The following THSD7B variants were observed in gnomAD, a reference collection of about 807,000 sequenced individuals.
The protein encoded by THSD7B is thrombospondin type 1 domain containing 7B.
THSD7B carries 138 observed loss-of-function variants against 213.6 expected under a neutral mutation model. The ratio of observed to expected loss-of-function variants is 0.65; its 90% CI spans 0.56 to 0.74. The LOEUF (loss-of-function observed/expected upper bound fraction) is 0.74. Ranked by LOEUF, THSD7B falls within the 30% of genes least tolerant of loss-of-function variation. The probability of loss-of-function intolerance (pLI) is 0.00; values close to 1 mark genes in which losing one functional copy is unlikely to be tolerated. For missense variants in THSD7B, 1,931 were observed against 1,991.5 expected (o/e 0.97, Z 0.58); for synonymous variants, 742 against 687.0 (o/e 1.08, Z -1.25).
At chr2:136,958,566 T>C (rs1054197820) in intron 2 of THSD7B, among the ~76,000 whole-genome samples, 9 of 152,204 alleles carry the variant, frequency 5.9e-5, no homozygotes, top group African/African-American at 2.2e-4. Context: ...AAGGGTAGAG[T>C]TCAGAGGAAA....
chr2:137,059,507 T>C (rs1687230880), intron 3 of THSD7B, among the ~76,000 whole-genome samples: 1 of 152,102 alleles, frequency 6.6e-6, no homozygotes, highest in African/African-American at 2.4e-5. Flanking sequence ...CCCCTAAGTA[T>C]CCCTTCTACT....
chr2:137,556,332 A>G (rs1680966133), intron 15 of THSD7B, among the ~76,000 whole-genome samples: 1 of 151,886 alleles, frequency 6.6e-6, no homozygotes, highest in African/African-American at 2.4e-5. Flanking sequence ...CATCAGACTA[A>G]CAGCTGATCT....
intron 17 of THSD7B, among the ~76,000 whole-genome samples, chr2:137,598,489 C>T (rs535204316): frequency 2.6e-5 from 4 of 152,296 alleles, no homozygotes; most frequent in African/African-American, 2.4e-5. Flanking sequence ...TACAGAAGAA[C>T]TGGAAAACAT....
At chr2:137,270,583 G>A (rs1009820395) in intron 10 of THSD7B, among the ~76,000 whole-genome samples, 1 of 152,162 alleles carries the variant, frequency 6.6e-6, no homozygotes, top group African/African-American at 2.4e-5. Flanking sequence ...ACATTAATGG[G>A]TAAGACCAAA....
chr2:137,610,563 G>A (rs1337013993), intron 17 of THSD7B, among the ~76,000 whole-genome samples: 1 of 151,980 alleles, frequency 6.6e-6, no homozygotes, highest in Non-Finnish European at 1.5e-5. Flanking sequence ...CTTCACATTC[G>A]GTCACAAAGA....
At chr2:137,188,304 A>G (rs1037462736) in intron 7 of THSD7B, among the ~76,000 whole-genome samples, 2 of 152,130 alleles carry the variant, frequency 1.3e-5, no homozygotes, top group Non-Finnish European at 2.9e-5. Flanking sequence ...GCAAATGGAT[A>G]TTTCATGTTT....
At chr2:137,477,503 ATGATTATTATTTATATT>A (rs199551541) in intron 15 of THSD7B, among the ~76,000 whole-genome samples, 4,730 of 151,774 alleles carry the variant, frequency 0.031, 203 homozygotes, top group African/African-American at 0.096. Context: ...ATTTATACTC[ATGATTATTATTTATATT>A]TGATTATTAT....
At chr2:137,499,798 C>T (rs532451025) in intron 15 of THSD7B, among the ~76,000 whole-genome samples, 130 of 152,188 alleles carry the variant, frequency 8.5e-4, no homozygotes, top group Admixed American at 2.2e-3. Context: ...AGCTGAAAGC[C>T]AAATGCATGA....
chr2:137,092,707 T>C (rs1215533199), intron 3 of THSD7B, among the ~76,000 whole-genome samples: 3 of 152,190 alleles, frequency 2.0e-5, no homozygotes, highest in Non-Finnish European at 4.4e-5. Flanking sequence ...CAGTCTCGGC[T>C]CACTATAGCC....
At chr2:137,126,018 G>A (rs530649939) in intron 5 of THSD7B, among the ~76,000 whole-genome samples, 2 of 152,260 alleles carry the variant, frequency 1.3e-5, no homozygotes, top group Admixed American at 1.3e-4. Context: ...AAATCATGCT[G>A]TAAATAGATA....
chr2:137,650,455 C>CT (rs1683116331), intron 21 of THSD7B, among the ~76,000 whole-genome samples: 3 of 152,118 alleles, frequency 2.0e-5, no homozygotes, highest in Admixed American at 2.0e-4. Context: ...TTACTTAATT[C>CT]TTTTATCAGT....
intron 1 of THSD7B, among the ~76,000 whole-genome samples, chr2:136,804,550 T>G (rs1247480105): frequency 6.6e-6 from 1 of 152,134 alleles, no homozygotes; most frequent in Non-Finnish European, 1.5e-5. Context: ...AATATGAATA[T>G]CAAAGTTTAG....
chr2:137,626,972 A>C (rs556539913), intron 20 of THSD7B, among the ~76,000 whole-genome samples: 1 of 152,222 alleles, frequency 6.6e-6, no homozygotes, highest in Non-Finnish European at 1.5e-5. Context: ...ATTTATAAAG[A>C]CAAGAGGTTT....
chr2:137,136,096 G>A (rs1679451487), intron 5 of THSD7B, among the ~76,000 whole-genome samples: 1 of 152,078 alleles, frequency 6.6e-6, no homozygotes, highest in Admixed American at 6.6e-5. Context: ...AGTGGGAATT[G>A]AACAATGAGA....
At chr2:137,058,516 T>C (rs141743120) in intron 3 of THSD7B, among the ~76,000 whole-genome samples, 38 of 152,310 alleles carry the variant, frequency 2.5e-4, no homozygotes, top group African/African-American at 8.9e-4. Flanking sequence ...GTGAAAGTAC[T>C]GAGTTCCTGT....
intron 2 of THSD7B, among the ~76,000 whole-genome samples, chr2:137,009,696 G>A (rs1686188371): frequency 6.6e-6 from 1 of 152,120 alleles, no homozygotes; most frequent in Non-Finnish European, 1.5e-5. Flanking sequence ...CTTACCATGA[G>A]AACAGTATGG....
intron 14 of THSD7B, among the ~76,000 whole-genome samples, chr2:137,441,536 A>T (rs1417841730): frequency 3.3e-5 from 5 of 152,218 alleles, no homozygotes; most frequent in South Asian, 2.1e-4. Flanking sequence ...AGGCCATGAC[A>T]TATGTAGAGT....
chr2:137,289,545 T>C (rs1004908919), intron 12 of THSD7B, among the ~76,000 whole-genome samples: 5 of 152,018 alleles, frequency 3.3e-5, no homozygotes, highest in African/African-American at 1.2e-4. Flanking sequence ...GTTTGTAAAA[T>C]AATTGTGTAA....
chr2:136,807,217 C>T (rs1682297594), intron 1 of THSD7B, among the ~76,000 whole-genome samples: 1 of 152,154 alleles, frequency 6.6e-6, no homozygotes, highest in African/African-American at 2.4e-5. Context: ...AGTTACACTC[C>T]ATCTCCTTGA....
Sources: gnomAD v4.1 joint callset for allele counts (sites outside exome capture counted in the v4.1 genomes callset) on GRCh38, gnomAD v4.1.1 for gene constraint, MANE v1.5 for transcripts, NCBI Gene and HGNC (gene_info 2026-07-23, HGNC 2026-07-21) for gene names.